The following C17orf99 variants were observed in gnomAD, a reference collection of about 807,000 sequenced individuals.
C17orf99 encodes the protein protein IL-40.
C17orf99 carries 18 observed loss-of-function variants against 22.6 expected under a neutral mutation model. The ratio of observed to expected loss-of-function variants is 0.80; its 90% CI spans 0.55 to 1.18. The LOEUF (loss-of-function observed/expected upper bound fraction) is 1.18. C17orf99 is among the 50% of genes most tolerant of loss of function. The pLI, the probability that C17orf99 is intolerant of heterozygous loss-of-function variation, is 0.00. For synonymous variants in C17orf99, 147 were observed against 136.6 expected (o/e 1.08, Z -0.53); for missense variants, 328 against 342.7 (o/e 0.96, Z 0.34).
At position 78,157,194 on chromosome 17, in the gene C17orf99, G is replaced by A. The variant is rs567066233; in HGVS notation, c.71-3761G>A. ...AAAATACAAAACTTAGGCCGGGCAC[G>A]GTGGCTCACACCTGTAATCCCAGCA... On this transcript the variant is annotated intron_variant, in intron 2 of 4. Transcript: ENST00000340363. Among the ~76,000 whole-genome samples the A allele has an allele frequency of 3.3e-5, 5 of 152,038 alleles. No homozygotes were observed. In the South Asian group the frequency reaches 8.3e-4, roughly 25 times the overall value.
intron 4 of C17orf99, 118 bp downstream of exon 4, chr17:78,164,482 G>A (rs1420552025): frequency 1.3e-6 from 2 of 1,543,256 alleles, no homozygotes; most frequent in South Asian, 2.4e-5. Context: ...ACTGCTGAGA[G>A]CAGAGAGGGC....
intron 3 of C17orf99, among the ~76,000 whole-genome samples, chr17:78,163,227 C>A (rs913088940): frequency 1.3e-5 from 2 of 152,158 alleles, no homozygotes; most frequent in Non-Finnish European, 2.9e-5. Context: ...GCACTCTAGC[C>A]TGGGCAACAG....
upstream of C17orf99, among the ~76,000 whole-genome samples, chr17:78,146,146 T>A (rs1218046389): frequency 6.6e-6 from 1 of 152,180 alleles, no homozygotes; most frequent in Non-Finnish European, 1.5e-5. The surrounding 1 kb of genome is among the most constrained non-coding windows in gnomAD (Gnocchi z 5.2). Context: ...CAGAGGTGAC[T>A]GCTGAGTCTA....
Position 78,158,189 on chromosome 17 carries a change from A to C in C17orf99, c.71-2766A>C, listed in dbSNP as rs937161345. The C allele has an allele frequency of 4.2e-6, 3 of 719,912 alleles. No homozygotes were observed. In the African/African-American group the frequency reaches 5.3e-5, roughly 13 times the overall value. 44.6% of individuals were successfully genotyped at this position (719,912 alleles called of 1,614,324 possible). A position where few individuals can be genotyped will look rare whatever the true frequency, so the allele number is the denominator to read the frequency against. On this transcript the variant is annotated intron_variant, in intron 2 of 4. Coordinates refer to ENST00000340363, the MANE Select transcript of C17orf99 (RefSeq NM_001163075.2). ...CATGACCGAGGAGGCAGCTGCTGCA[A>C]TCAAGGCTCCCAGGGTGGCGGTGGT...
intron 3 of C17orf99, 26 bp from the exon 4 acceptor site, chr17:78,164,069 T>C (rs1340793066): frequency 6.5e-7 from 1 of 1,543,988 alleles, no homozygotes; most frequent in Admixed American, 2.0e-5. Context: ...CAGCCATGCC[T>C]GTGCTACCTT....
intron 3 of C17orf99, among the ~76,000 whole-genome samples, chr17:78,163,861 G>A (rs911417902): frequency 6.6e-6 from 1 of 152,224 alleles, no homozygotes; most frequent in Non-Finnish European, 1.5e-5. Context: ...GCAAGACCCT[G>A]TCTCAAAATA....
intron 2 of C17orf99, among the ~76,000 whole-genome samples, chr17:78,149,773 A>G (rs987867809): frequency 6.6e-6 from 1 of 151,364 alleles, no homozygotes; most frequent in African/African-American, 2.4e-5. Context: ...GCAGTGGTGC[A>G]ATCTCGGCTC....
intron 2 of C17orf99, among the ~76,000 whole-genome samples, chr17:78,148,734 C>T (rs1418454849): frequency 6.6e-6 from 1 of 151,998 alleles, no homozygotes; most frequent in Non-Finnish European, 1.5e-5. Context: ...AAGCAAGGGG[C>T]AAAGGGTATT....
At chr17:78,147,706 A>G (rs1598938722) in intron 2 of C17orf99, among the ~76,000 whole-genome samples, 1 of 152,216 alleles carries the variant, frequency 6.6e-6, no homozygotes, top group East Asian at 1.9e-4. Context: ...CTATTTTGCT[A>G]AAGGGCAGGT....
At chr17:78,157,918 G>T in intron 2 of C17orf99, 1 of 1,160,168 alleles carries the variant, frequency 8.6e-7, no homozygotes, top group Non-Finnish European at 1.3e-6. Context: ...AGGTCCACCT[G>T]GTTGGTACTG....
chr17:78,154,273 G>C (rs1486644594), intron 2 of C17orf99, among the ~76,000 whole-genome samples: 1 of 152,096 alleles, frequency 6.6e-6, no homozygotes, highest in East Asian at 1.9e-4. Flanking sequence ...GTCTGGCTGG[G>C]TGCAGTGGCT....
At chr17:78,150,679 C>T (rs1307551944) in intron 2 of C17orf99, among the ~76,000 whole-genome samples, 4 of 152,128 alleles carry the variant, frequency 2.6e-5, no homozygotes, top group Non-Finnish European at 5.9e-5. Flanking sequence ...ATGAAGGCTG[C>T]CGGGATCCAC....
intron 4 of C17orf99, chr17:78,164,750 G>T (rs1201422343): frequency 5.4e-6 from 7 of 1,303,726 alleles, no homozygotes; most frequent in African/African-American, 1.5e-5. Flanking sequence ...GAGCTCAGGT[G>T]GTGGGGCTTG....
chr17:78,165,258 G>A (rs1456130306), intron 4 of C17orf99: 13 of 987,672 alleles, frequency 1.3e-5, no homozygotes, highest in Admixed American at 6.1e-5. Flanking sequence ...AGACACTGCC[G>A]TGTCCTGGTT....
chr17:78,146,461 C>T lies in C17orf99; in HGVS notation c.37+17C>T, dbSNP rs764050467. 5.8e-6 allele frequency: 9 copies of T among 1,548,780 alleles called. No homozygotes were observed. Among genetic ancestry groups the T allele is most frequent in the South Asian group, 3.6e-5 (3 of 84,006 alleles). ...CCGTGCTGGGTGAGTCCACCAGGGACGTGATGGTGGGGCTGCTGCTGGGGC... is the reference window on the plus strand; with the variant it reads ...CCGTGCTGGGTGAGTCCACCAGGGATGTGATGGTGGGGCTGCTGCTGGGGC... On this transcript the variant is annotated intron_variant, in intron 1 of 4. Coordinates refer to ENST00000340363, the MANE Select transcript of C17orf99 (RefSeq NM_001163075.2). The surrounding 1 kb of genome is among the most constrained non-coding windows in gnomAD (Gnocchi z 5.2).
At chr17:78,157,421 TA>T in intron 2 of C17orf99, 2 of 1,297,320 alleles carry the variant, frequency 1.5e-6, no homozygotes, top group Non-Finnish European at 2.1e-6. Context: ...CGAAGCCTCT[TA>T]AAATGGCAGA....
chr17:78,147,727 G>C (rs1282409467), intron 2 of C17orf99, among the ~76,000 whole-genome samples: 1 of 152,182 alleles, frequency 6.6e-6, no homozygotes, highest in Non-Finnish European at 1.5e-5. Context: ...ACAGGGTAAT[G>C]ATGACGCCAT....
At chr17:78,164,754 G>T in intron 4 of C17orf99, 1 of 1,296,754 alleles carries the variant, frequency 7.7e-7, no homozygotes, top group African/African-American at 1.5e-5. Flanking sequence ...TCAGGTGGTG[G>T]GGCTTGCAGG....
chr17:78,151,642 C>G (rs2075484588), intron 2 of C17orf99, among the ~76,000 whole-genome samples: 1 of 152,014 alleles, frequency 6.6e-6, no homozygotes, highest in East Asian at 1.9e-4. Flanking sequence ...CGGTGTGTGT[C>G]TGAGTCTCCT....
Sources: allele counts gnomAD v4.1 joint callset (sites outside exome capture counted in the v4.1 genomes callset), GRCh38; gene constraint gnomAD v4.1.1; non-coding constraint Gnocchi (gnomAD v3.1); transcripts MANE v1.5; gene names NCBI Gene and HGNC (gene_info 2026-07-23, HGNC 2026-07-21).